Variants in MAP3K13 observed in about 807,000 individuals in gnomAD.
The protein encoded by MAP3K13 is mitogen-activated protein kinase kinase kinase 13.
MAP3K13 carries 52 observed loss-of-function variants against 104.0 expected under a neutral mutation model. The observed-to-expected ratio is 0.50, with a 90% CI of 0.40 to 0.63. The LOEUF (loss-of-function observed/expected upper bound fraction) is 0.63, where lower values mean the gene tolerates loss of function less well. MAP3K13 is among the 20% of genes least tolerant of loss of function. MAP3K13 has a pLI of 0.00. For missense variants in MAP3K13, 914 were observed against 1,218.5 expected (o/e 0.75, Z 3.72); for synonymous variants, 394 against 442.2 (o/e 0.89, Z 1.37).
intron 2 of MAP3K13, among the ~76,000 whole-genome samples, chr3:185,318,916 C>A (rs188091673): frequency 4.7e-4 from 71 of 152,336 alleles, no homozygotes; most frequent in Admixed American, 1.9e-3. Flanking sequence ...CTAGTGTCTC[C>A]TGTGGGCTCA....
At chr3:185,461,712 G>A (rs1182412434) in intron 7 of MAP3K13, among the ~76,000 whole-genome samples, 1 of 152,018 alleles carries the variant, frequency 6.6e-6, no homozygotes, top group African/African-American at 2.4e-5. Flanking sequence ...GCAGGGGCAG[G>A]CCACCACACC....
At chr3:185,463,971 C>G (rs1717262203) in intron 8 of MAP3K13, among the ~76,000 whole-genome samples, 2 of 152,138 alleles carry the variant, frequency 1.3e-5, no homozygotes, top group Non-Finnish European at 1.5e-5. Context: ...TCCCTGGCTT[C>G]AAGATGCTTA....
chr3:185,439,578 C>T (rs758886316), intron 3 of MAP3K13, among the ~76,000 whole-genome samples: 4 of 152,036 alleles, frequency 2.6e-5, no homozygotes, highest in African/African-American at 9.7e-5. Context: ...CAGAATGTCC[C>T]GTAGATGAGT....
intron 2 of MAP3K13, among the ~76,000 whole-genome samples, chr3:185,309,007 A>G (rs1408676589): frequency 5.9e-5 from 9 of 152,032 alleles, no homozygotes; most frequent in Non-Finnish European, 1.5e-5. Flanking sequence ...GGGGATTCCT[A>G]TTCCACCGTG....
At chr3:185,328,961 G>A (rs572229538) in intron 2 of MAP3K13, 19 of 411,332 alleles carry the variant, frequency 4.6e-5, no homozygotes, top group African/African-American at 3.8e-4. Context: ...CTTCAGCTTG[G>A]TGTAAGTAGT....
chr3:185,424,902 G>A (rs1714328044), intron 1 of MAP3K13, among the ~76,000 whole-genome samples: 1 of 152,122 alleles, frequency 6.6e-6, no homozygotes, highest in Non-Finnish European at 1.5e-5. Context: ...ACAGCTCACT[G>A]CAGCCTCGAT....
intron 7 of MAP3K13, among the ~76,000 whole-genome samples, chr3:185,455,535 T>G (rs1461789964): frequency 5.0e-5 from 2 of 39,874 alleles, no homozygotes; most frequent in African/African-American, 1.2e-4. Flanking sequence ...ATATATGAGA[T>G]ATATATGACA....
intron 2 of MAP3K13, among the ~76,000 whole-genome samples, chr3:185,343,341 G>C (rs533020868): frequency 6.6e-6 from 1 of 152,272 alleles, no homozygotes; most frequent in African/African-American, 2.4e-5. Context: ...CTTGCAGGGT[G>C]GAATTAATGC....
At chr3:185,466,728 ATGTGGCAGAATC>A in intron 9 of MAP3K13, 86 bp from the exon 10 acceptor site, 1 of 1,391,892 alleles carries the variant, frequency 7.2e-7, no homozygotes, top group Non-Finnish European at 1.0e-6. Context: ...AAATAGCTAA[ATGTGGCAGAATC>A]TGTGGTAGAA....
At chr3:185,422,473 A>G (rs895738793) in intron 1 of MAP3K13, among the ~76,000 whole-genome samples, 1 of 152,236 alleles carries the variant, frequency 6.6e-6, no homozygotes, top group Admixed American at 6.5e-5. Flanking sequence ...TCTCATGCCA[A>G]TGGGAACAGG....
chr3:185,473,401 G>A lies in MAP3K13; in HGVS notation c.2070G>A (p.Gln690=), dbSNP rs1362697196. 1 of 1,614,118 alleles carries A rather than the reference G, an allele frequency of 6.2e-7. No individual in the cohort carries two copies. Among genetic ancestry groups the A allele is most frequent in the Non-Finnish European group, 8.5e-7 (1 of 1,180,058 alleles). ...RSPLSNHAQR[Q]LPGSSPDLIS... ...CACTCAGCAACCATGCTCAGAGACA[G>A]CTGCCCGGCTCGAGCCCTGACCTCA... The change falls in exon 11 of 14, where the codon CAG becomes CAA. Residue 690 remains glutamine, a synonymous_variant. Coordinates refer to ENST00000265026, the MANE Select transcript of MAP3K13 (RefSeq NM_004721.5). This position sits in a 1 kb window ranked among gnomAD's most constrained non-coding sequence, Gnocchi z 4.9.
At chr3:185,431,404 A>C (rs1401102516) in intron 2 of MAP3K13, among the ~76,000 whole-genome samples, 1 of 152,244 alleles carries the variant, frequency 6.6e-6, no homozygotes, top group African/African-American at 2.4e-5. Context: ...ATTATAAGCC[A>C]TACTGCAATG....
chr3:185,411,265 A>T (rs1713427016), intron 1 of MAP3K13, among the ~76,000 whole-genome samples: 1 of 152,210 alleles, frequency 6.6e-6, no homozygotes, highest in South Asian at 2.1e-4. Context: ...TCAGAAAATG[A>T]AGGGAAAAAC....
At chr3:185,293,156 C>CTCA in intron 2 of MAP3K13, 2 of 601,732 alleles carry the variant, frequency 3.3e-6, no homozygotes, top group Non-Finnish European at 4.2e-6. Flanking sequence ...CTGGCTCTGT[C>CTCA]ACCCAGGCTG....
intron 1 of MAP3K13, among the ~76,000 whole-genome samples, chr3:185,390,243 A>C (rs974599615): frequency 6.6e-5 from 10 of 152,198 alleles, no homozygotes; most frequent in African/African-American, 2.4e-4. Flanking sequence ...CACTGTTCAC[A>C]GTGCTTTACA....
chr3:185,456,010 T>C (rs1000259392), intron 7 of MAP3K13, among the ~76,000 whole-genome samples: 3 of 148,914 alleles, frequency 2.0e-5, no homozygotes. Context: ...ATATGAGATA[T>C]ATATATATAT....
chr3:185,365,948 C>T (rs982573348), intron 1 of MAP3K13, among the ~76,000 whole-genome samples: 4 of 62,164 alleles, frequency 6.4e-5, no homozygotes, highest in African/African-American at 2.0e-4. Context: ...TCCCTCCCTC[C>T]CTCCCTTCCT....
At chr3:185,286,451 A>G (rs59915632) in intron 2 of MAP3K13, among the ~76,000 whole-genome samples, 12,334 of 151,974 alleles carry the variant, frequency 0.081, 644 homozygotes, top group East Asian at 0.2. Flanking sequence ...CCTTACACAC[A>G]GAAATTTGCA....
At chr3:185,285,770 C>A in intron 2 of MAP3K13, 2 of 679,888 alleles carry the variant, frequency 2.9e-6, no homozygotes, top group Non-Finnish European at 4.7e-6. Context: ...CAGGACCTTC[C>A]AAAGAGAGGT....
Sources: allele counts gnomAD v4.1 joint callset (sites outside exome capture counted in the v4.1 genomes callset), GRCh38; gene constraint gnomAD v4.1.1; non-coding constraint Gnocchi (gnomAD v3.1); transcripts MANE v1.5; gene names NCBI Gene and HGNC (gene_info 2026-07-23, HGNC 2026-07-21).